The following RHPN2 variants were observed in gnomAD, a reference collection of about 807,000 sequenced individuals.
The protein encoded by RHPN2 is rhophilin-2.
A neutral mutation model predicts 79.0 loss-of-function variants in RHPN2; 40 were observed. The observed-to-expected ratio is 0.51, with a 90% CI of 0.39 to 0.66. The LOEUF is 0.66. Ranked by LOEUF, RHPN2 falls within the 30% of genes least tolerant of loss-of-function variation. The pLI, the probability that RHPN2 is intolerant of heterozygous loss-of-function variation, is 0.00. For synonymous variants in RHPN2, 285 were observed against 363.5 expected, an observed-to-expected ratio of 0.78 and a Z score of 2.46; for missense variants, 686 against 883.5, an observed-to-expected ratio of 0.78 and a Z score of 2.83.
intron 11 of RHPN2, among the ~76,000 whole-genome samples, chr19:32,994,686 G>A (rs1004192587): frequency 1.3e-5 from 2 of 152,104 alleles, no homozygotes; most frequent in Admixed American, 1.3e-4. Context: ...AGGAGGCCAG[G>A]CACGGTGGCT....
chr19:33,048,931 G>A (rs1599834564), intron 1 of RHPN2, among the ~76,000 whole-genome samples: 1 of 152,002 alleles, frequency 6.6e-6, no homozygotes, highest in Non-Finnish European at 1.5e-5. Flanking sequence ...CCAGAGCTCA[G>A]ATAAGCAGCC....
chr19:33,010,788 T>C (rs1481287221), intron 6 of RHPN2, among the ~76,000 whole-genome samples: 2 of 152,092 alleles, frequency 1.3e-5, no homozygotes, highest in African/African-American at 4.8e-5. Flanking sequence ...CTCAAGTGAT[T>C]CTCCTGCCTC....
At chr19:33,057,861 T>A (rs1178938785) in intron 1 of RHPN2, among the ~76,000 whole-genome samples, 1 of 151,454 alleles carries the variant, frequency 6.6e-6, no homozygotes, top group Admixed American at 6.6e-5. Context: ...AAAGACCAAT[T>A]AACAAGGGGA....
Position 32,991,964 on chromosome 19 carries a change from G to A in RHPN2, c.1503C>T (p.Pro501=). The A allele has an allele frequency of 1.9e-6, 3 of 1,613,918 alleles. No individual in the cohort carries two copies. The highest frequency in any genetic ancestry group is 2.5e-6 in the Non-Finnish European group (3 of 1,179,852). Residue 501 remains proline, a synonymous_variant, in exon 13 of 15, where the codon CCC becomes CCT. Transcript: ENST00000254260. ...GCTTGTTAGCCGAAAACACAGATAAGGGGCCCTTTGGAAGAGAGCATCGTT... is the reference window on the plus strand; with the variant it reads ...GCTTGTTAGCCGAAAACACAGATAAAGGGCCCTTTGGAAGAGAGCATCGTT... ...TVTDFFQKLG[P]LSVFSANKRW...
rs557699614 is a variant in RHPN2, at chr19:32,990,591, T to C, written c.1723A>G (p.Met575Val). The C allele has an allele frequency of 4.3e-6, 7 of 1,613,926 alleles. No homozygotes were observed. In the South Asian group the frequency reaches 7.7e-5, roughly 18 times the overall value. Residue 575 changes from methionine (M) to valine (V), a missense_variant, in exon 14 of 15, where the codon ATG becomes GTG. By Grantham distance (21) the Met-to-Val change is conservative. Transcript: ENST00000254260. ...TCGCCAAAGCTCTTCAGCAGCTTCA[T>C]AACCTCACTCAGCGTCAGCCACTTA... ...DCKWLTLSEV[M>V]KLLKSFGEDE...
chr19:33,050,149 G>A (rs1197876650), intron 1 of RHPN2, among the ~76,000 whole-genome samples: 1 of 152,172 alleles, frequency 6.6e-6, no homozygotes, highest in Non-Finnish European at 1.5e-5. Context: ...AACCCATCAG[G>A]AAGAGGTCCT....
chr19:32,979,743 C>T lies in RHPN2; in HGVS notation c.*253G>A, dbSNP rs1284519673. 2.0e-6 allele frequency: 1 copy of T among 491,886 alleles called. No individual in the cohort carries two copies. Among genetic ancestry groups the T allele is most frequent in the Non-Finnish European group, 3.6e-6 (1 of 276,306 alleles). The allele number at this position is 491,886 out of a possible 1,614,324, so 30.5% of individuals were successfully genotyped here. Reference sequence around the variant, plus strand: ...CATATTTCATATCTTCAACACTATTCTATTTACAATACTTTATATAATAAA... The same window carrying T: ...CATATTTCATATCTTCAACACTATTTTATTTACAATACTTTATATAATAAA... On this transcript the variant is annotated 3_prime_UTR_variant, in exon 15 of 15. Coordinates refer to ENST00000254260, the MANE Select transcript of RHPN2 (RefSeq NM_033103.5).
chr19:33,063,269 CTT>C (rs75270802), intron 1 of RHPN2, among the ~76,000 whole-genome samples: 5,653 of 146,636 alleles, frequency 0.039, 144 homozygotes, highest in East Asian at 0.11. Context: ...CTCAAAACTA[CTT>C]TTTTTTTTTT....
At chr19:32,984,834 G>A (rs1176508157) in intron 14 of RHPN2, among the ~76,000 whole-genome samples, 1 of 152,106 alleles carries the variant, frequency 6.6e-6, no homozygotes, top group African/African-American at 2.4e-5. Flanking sequence ...TTGGCCTGGT[G>A]CAGTGGCTCA....
chr19:32,981,433 G>T (rs1251346017), intron 14 of RHPN2, among the ~76,000 whole-genome samples: 1 of 99,540 alleles, frequency 1.0e-5, no homozygotes, highest in Non-Finnish European at 1.9e-5. Flanking sequence ...GGGGCGGGGG[G>T]AAGGGAAGAG....
At chr19:33,018,765 C>T (rs1207874169) in intron 4 of RHPN2, among the ~76,000 whole-genome samples, 1 of 152,114 alleles carries the variant, frequency 6.6e-6, no homozygotes, top group African/African-American at 2.4e-5. Context: ...TAGTAGTTGG[C>T]CGGGAGCGGC....
intron 11 of RHPN2, among the ~76,000 whole-genome samples, chr19:32,995,215 G>C (rs1300036249): frequency 2.6e-5 from 4 of 151,976 alleles, no homozygotes; most frequent in Non-Finnish European, 5.9e-5. Context: ...TGGAACTATA[G>C]GTATGCACCA....
intron 10 of RHPN2, among the ~76,000 whole-genome samples, chr19:32,996,973 G>A (rs191252126): frequency 4.7e-4 from 72 of 152,122 alleles, no homozygotes; most frequent in Non-Finnish European, 6.0e-4. Flanking sequence ...ATGGCTTACC[G>A]CAGCCTCAAA....
In RHPN2 at chr19:32,990,381, C is replaced by G. The variant is rs1387865726; in HGVS notation, c.1800+133G>C. 6.3e-6 allele frequency: 6 copies of G among 946,908 alleles called. No individual in the cohort carries two copies. In the Admixed American group the frequency reaches 1.1e-4, roughly 18 times the overall value. The allele number at this position is 946,908 out of a possible 1,614,324, so 58.7% of individuals were successfully genotyped here. A position where few individuals can be genotyped will look rare whatever the true frequency, so the allele number is the denominator to read the frequency against. ...GTGAGCACATTACAGTGATTACAAG[C>G]CTGGGAGTCCAGTCATTTGTACCAT... On this transcript the variant is annotated intron_variant, in intron 14 of 14. Transcript: ENST00000254260.
chr19:33,023,808 A>G (rs1211467267), intron 3 of RHPN2, among the ~76,000 whole-genome samples: 5 of 151,806 alleles, frequency 3.3e-5, no homozygotes, highest in Non-Finnish European at 7.4e-5. Context: ...AAGAAAAAAA[A>G]GAAAACAGAA....
intron 9 of RHPN2, 21 bp from the exon 10 acceptor site, chr19:32,999,726 T>C: frequency 1.2e-6 from 2 of 1,609,192 alleles, no homozygotes; most frequent in South Asian, 2.2e-5. Context: ...AACCACAGGT[T>C]AAATCCCCTC....
chr19:33,062,490 C>T (rs914837240), intron 1 of RHPN2, among the ~76,000 whole-genome samples: 1 of 148,412 alleles, frequency 6.7e-6, no homozygotes, highest in Admixed American at 6.8e-5. Context: ...ACACCTGTAG[C>T]CGGGCGCAGT....
At chr19:33,017,983 G>A (rs1265601950) in intron 4 of RHPN2, among the ~76,000 whole-genome samples, 17 of 151,956 alleles carry the variant, frequency 1.1e-4, no homozygotes, top group African/African-American at 2.9e-4. Flanking sequence ...GTGAAACCCC[G>A]TCTCTACTAA....
chr19:32,991,097 A>C (rs1282623890), intron 13 of RHPN2, among the ~76,000 whole-genome samples: 13 of 151,922 alleles, frequency 8.6e-5, no homozygotes, highest in Non-Finnish European at 1.5e-5. Flanking sequence ...CAAGGCAGAC[A>C]GAATACTTGA....
Sources: allele counts gnomAD v4.1 joint callset (sites outside exome capture counted in the v4.1 genomes callset), GRCh38; gene constraint gnomAD v4.1.1; transcripts MANE v1.5; gene names NCBI Gene and HGNC (gene_info 2026-07-23, HGNC 2026-07-21).